The following CRLF2 variants were observed in gnomAD, a reference collection of about 807,000 sequenced individuals.
CRLF2 encodes the protein cytokine receptor-like factor 2.
Under a neutral mutation model 38.7 loss-of-function variants are expected in CRLF2, and 41 were observed. The observed-to-expected ratio is 1.06, with a 90% CI of 0.83 to 1.37. The LOEUF is 1.37. Among genes scored for constraint, CRLF2 ranks in the 40% most tolerant of loss-of-function variants. The probability of loss-of-function intolerance (pLI) is 0.00; values close to 1 mark genes in which losing one functional copy is unlikely to be tolerated. For missense variants in CRLF2, 377 were observed against 322.2 expected (o/e 1.17, Z -1.30); for synonymous variants, 140 against 128.8 (o/e 1.09, Z -0.59).
chrX:1,190,784 A>G lies in CRLF2; in HGVS notation c.*113T>C. 1 of 398,556 alleles carries G rather than the reference A, an allele frequency of 2.5e-6. No individual in the cohort carries two copies. Among genetic ancestry groups the G allele is most frequent in the Admixed American group, 4.4e-5 (1 of 22,728 alleles). The allele number at this position is 398,556 out of a possible 1,614,324, so 24.7% of individuals were successfully genotyped here. A position where few individuals can be genotyped will look rare whatever the true frequency, so the allele number is the denominator to read the frequency against. On this transcript the variant is annotated 3_prime_UTR_variant, in exon 8 of 8. Transcript: ENST00000400841. ...GTCTTCAGAGTCTCCTAGTCCTACC[A>G]TCATTGGCGTGGAGACTTCCCATCC...
In CRLF2 at chrX:1,205,901, A is replaced by G. The variant is rs779016042; in HGVS notation, c.349+532T>C. Among the ~76,000 whole-genome samples the G allele has an allele frequency of 2.0e-5, 3 of 152,208 alleles. No homozygotes were observed. In the East Asian group the frequency reaches 5.8e-4, roughly 29 times the overall value. ...GAAAAGCATGGTGAGCTTGCTTTTC[A>G]ATAGTTATGGTAATCATGGATCCGG... On this transcript the variant is annotated intron_variant, in intron 3 of 7. Coordinates refer to ENST00000400841, the MANE Select transcript of CRLF2 (RefSeq NM_022148.4).
At chrX:1,196,570 C>G (rs1297882593) in intron 6 of CRLF2, among the ~76,000 whole-genome samples, 16 of 152,028 alleles carry the variant, frequency 1.1e-4, no homozygotes, top group South Asian at 4.2e-4. Context: ...ATCTGCCTGC[C>G]TTGGTCTCCC....
chrX:1,202,506 A>G lies in CRLF2; in HGVS notation c.379T>C (p.Phe127Leu). The change falls in exon 4 of 8, where the codon TTT becomes CTT. Residue 127 changes from phenylalanine to leucine, a missense_variant. Transcript: ENST00000400841. ...LKPSSPKHVR[F>L]SWHQDAVTVT... ...GTCACTGCATCCTGATGCCACGAAA[A>G]TCTCACGTGCTTCGGGGAACTGGGT... 4.3e-6 allele frequency: 7 copies of G among 1,613,670 alleles called. No individual in the cohort carries two copies. The highest frequency in any genetic ancestry group is 5.9e-6 in the Non-Finnish European group (7 of 1,179,684).
intron 1 of CRLF2, among the ~76,000 whole-genome samples, chrX:1,210,595 C>A (rs1280604838): frequency 4.6e-5 from 7 of 152,158 alleles, no homozygotes; most frequent in Non-Finnish European, 1.0e-4. Context: ...CAGGCATGAG[C>A]CACAGCGCCC....
intron 2 of CRLF2, among the ~76,000 whole-genome samples, chrX:1,207,147 T>C (rs1278057597): frequency 1.3e-5 from 2 of 151,896 alleles, no homozygotes; most frequent in African/African-American, 4.8e-5. Flanking sequence ...GATTTCGCCA[T>C]GTTGACCAGG....
rs1322528350 is a variant in CRLF2, at chrX:1,190,747, C to T, written c.*150G>A. On this transcript the variant is annotated 3_prime_UTR_variant, in exon 8 of 8. Transcript: ENST00000400841. Reference sequence around the variant, plus strand: ...TTAGCAGGGCAGTGGCCGCATTAGGCGGTGAGGCTGGGTCTTCAGAGTCTC... The same window carrying T: ...TTAGCAGGGCAGTGGCCGCATTAGGTGGTGAGGCTGGGTCTTCAGAGTCTC... 2.8e-5 allele frequency: 11 copies of T among 398,054 alleles called. No homozygotes were observed. The highest frequency in any genetic ancestry group is 1.4e-4 in the South Asian group (1 of 7,206). 24.7% of individuals were successfully genotyped at this position (398,054 alleles called of 1,614,324 possible).
intron 7 of CRLF2, among the ~76,000 whole-genome samples, chrX:1,192,878 A>G (rs1173309133): frequency 6.8e-5 from 10 of 147,890 alleles, no homozygotes; most frequent in African/African-American, 2.2e-4. Flanking sequence ...CAGTGGTACA[A>G]TCTCAGCTCA....
chrX:1,197,729 A>G (rs759255237), intron 5 of CRLF2, among the ~76,000 whole-genome samples: 3 of 151,928 alleles, frequency 2.0e-5, no homozygotes, highest in Non-Finnish European at 4.4e-5. Flanking sequence ...CAGGAGAATC[A>G]CTTGAACTCG....
intron 7 of CRLF2, among the ~76,000 whole-genome samples, chrX:1,192,071 G>A (rs1257212362): frequency 3.3e-5 from 5 of 149,430 alleles, no homozygotes; most frequent in Admixed American, 6.7e-5. Context: ...CGGGTGTGGT[G>A]GCGGGCGCCT....
intron 7 of CRLF2, among the ~76,000 whole-genome samples, chrX:1,192,944 G>A (rs1394570159): frequency 2.6e-5 from 4 of 151,146 alleles, no homozygotes; most frequent in South Asian, 2.1e-4. Context: ...CTCCAGAGTC[G>A]CTGGGATTAC....
At chrX:1,204,182 A>C (rs867811331) in intron 3 of CRLF2, among the ~76,000 whole-genome samples, 1 of 19,488 alleles carries the variant, frequency 5.1e-5, no homozygotes, top group Non-Finnish European at 2.0e-4. Context: ...GTGTGTGTGT[A>C]GGCAGGGCAC....
At chrX:1,204,150 C>CTCTGTGTGTGTGTGTGTGTG (rs1555888156) in intron 3 of CRLF2, among the ~76,000 whole-genome samples, 1 of 124,712 alleles carries the variant, frequency 8.0e-6, no homozygotes, top group Non-Finnish European at 1.7e-5. Context: ...CCAGCTCACT[C>CTCTGTGTGTGTGTGTGTGTG]TGTGTGTGTG....
chrX:1,196,873 G>A lies in CRLF2; in HGVS notation c.674C>T (p.Pro225Leu), dbSNP rs1353187233. The change falls in exon 6 of 8, where the codon CCC becomes CTC. Residue 225 changes from proline to leucine, a missense_variant. Pro to Leu is a moderately conservative substitution (Grantham distance 98). Coordinates refer to ENST00000400841, the MANE Select transcript of CRLF2 (RefSeq NM_022148.4). ...AATAAATTTGGACAGCTTTGGTTTG[G>A]GAGGCGTTGGTGTCTCTGCACAGGC... is the stretch of plus-strand genomic sequence containing the variant. ...RDACAETPTPPKPKLSKFILI... is the reference protein window; with the variant it reads ...RDACAETPTPLKPKLSKFILI... 2 of 1,613,436 alleles carry A rather than the reference G, an allele frequency of 1.2e-6. No individual in the cohort carries two copies. Among genetic ancestry groups the A allele is most frequent in the Non-Finnish European group, 1.7e-6 (2 of 1,179,680 alleles).
chrX:1,201,658 G>T (rs1464634114), intron 4 of CRLF2, among the ~76,000 whole-genome samples: 53,523 of 136,896 alleles, frequency 0.39, 10,218 homozygotes, highest in East Asian at 0.54. Context: ...ATTAGATAGA[G>T]AGACAGACAG....
chrX:1,205,313 C>T (rs557193435), intron 3 of CRLF2, among the ~76,000 whole-genome samples: 3 of 152,324 alleles, frequency 2.0e-5, no homozygotes, highest in African/African-American at 7.2e-5. Flanking sequence ...ATTTTCAGAA[C>T]TTAACTGAAA....
intron 4 of CRLF2, 81 bp downstream of exon 4, chrX:1,202,321 C>G: frequency 6.5e-7 from 1 of 1,536,378 alleles, no homozygotes; most frequent in Non-Finnish European, 8.9e-7. Context: ...GGAGCGAGGT[C>G]TGATGAAACA....
intron 1 of CRLF2, 122 bp downstream of exon 1, chrX:1,212,434 A>AAG (rs1556427628): frequency 8.2e-5 from 51 of 625,178 alleles, no homozygotes; most frequent in African/African-American, 1.3e-4. Flanking sequence ...AAAAAAAAAA[A>AAG]AAAAGAAAAG....
At chrX:1,210,942 T>G (rs2086786269) in intron 1 of CRLF2, among the ~76,000 whole-genome samples, 1 of 151,550 alleles carries the variant, frequency 6.6e-6, no homozygotes, top group Non-Finnish European at 1.5e-5. Flanking sequence ...GATGGGTGGA[T>G]GGATGCATGG....
chrX:1,211,349 GTGGA>G (rs1331068215), intron 1 of CRLF2, among the ~76,000 whole-genome samples: 27 of 120,858 alleles, frequency 2.2e-4, no homozygotes, highest in Non-Finnish European at 4.2e-4. Context: ...GGGTGGATGG[GTGGA>G]TGGGTGGATG....
Sources: gnomAD v4.1 joint callset for allele counts (sites outside exome capture counted in the v4.1 genomes callset) on GRCh38, gnomAD v4.1.1 for gene constraint, MANE v1.5 for transcripts, NCBI Gene and HGNC (gene_info 2026-07-23, HGNC 2026-07-21) for gene names.